C1orf116: variants seen among roughly 807,000 people sequenced by gnomAD.
C1orf116 encodes the protein chromosome 1 open reading frame 116.
In C1orf116, 12 loss-of-function variants were observed where a neutral mutation model predicts 14.1. The ratio of observed to expected loss-of-function variants is 0.85; its 90% CI spans 0.54 to 1.38. The LOEUF is 1.38. Among genes scored for constraint, C1orf116 ranks in the 40% most tolerant of loss-of-function variants. C1orf116 has a pLI of 0.00. For missense variants in C1orf116, 797 were observed against 747.0 expected (o/e 1.07, Z -0.78); for synonymous variants, 296 against 299.0 (o/e 0.99, Z 0.10).
chr1:207,022,162 G>A lies in C1orf116; in HGVS notation c.1602C>T (p.Gly534=). 3.1e-6 allele frequency: 5 copies of A among 1,613,586 alleles called. No individual in the cohort carries two copies. The highest frequency in any genetic ancestry group is 4.2e-6 in the Non-Finnish European group (5 of 1,179,548). Residue 534 remains glycine, a synonymous_variant, in exon 4 of 4, where the codon GGC becomes GGT. Coordinates refer to ENST00000359470, the MANE Select transcript of C1orf116 (RefSeq NM_023938.6). ...GGATACCTGCAAAATCTTTCCCCGTGCCCAGGGAGGCCGGGCGGGGCCGAG... is the reference window on the plus strand; with the variant it reads ...GGATACCTGCAAAATCTTTCCCCGTACCCAGGGAGGCCGGGCGGGGCCGAG... ...RNSRPRPASL[G]TGKDFAGIQV...
chr1:207,024,587 G>A (rs1032848235), intron 3 of C1orf116, among the ~76,000 whole-genome samples: 12 of 152,126 alleles, frequency 7.9e-5, no homozygotes, highest in Non-Finnish European at 1.0e-4. Context: ...TCCCTCCCCC[G>A]CCTCTGCGGT....
rs1447723187 is a variant in C1orf116 at position 207,018,532 on chromosome 1, C to G, written c.*3426G>C. The G allele has an allele frequency of 3.9e-5, 6 of 152,224 alleles. No homozygotes were observed. Among genetic ancestry groups the G allele is most frequent in the African/African-American group, 1.4e-4 (6 of 41,452 alleles). The allele number at this position is 152,224 out of a possible 1,614,324, so 9.4% of individuals were successfully genotyped here. On this transcript the variant is annotated 3_prime_UTR_variant, in exon 4 of 4. Coordinates refer to ENST00000359470, the MANE Select transcript of C1orf116 (RefSeq NM_023938.6). The stretch of plus-strand genomic sequence containing the variant: ...AATAAGACCCAGAAGGTAGTATTAT[C>G]ATTTATTGAGTAGCTACACTGTGGC...
At chr1:207,032,492 ACCTCC>A in intron 1 of C1orf116, 82 bp downstream of exon 1, 1 of 893,512 alleles carries the variant, frequency 1.1e-6, no homozygotes, top group Non-Finnish European at 1.3e-6. Flanking sequence ...ATAGAGGGAC[ACCTCC>A]CCTCCCCTGT....
Position 207,027,530 on chromosome 1 carries a change from G to GT in C1orf116, c.68dup (p.Asp23GlufsTer14), listed in dbSNP as rs201900436. 12,008 of 1,613,912 alleles carry GT rather than the reference G, an allele frequency of 7.4e-3. 65 individuals carry two copies. The highest frequency in any genetic ancestry group is 9.0e-3 in the Non-Finnish European group (10,661 of 1,180,042). On this transcript the variant is annotated frameshift_variant, in exon 2 of 4. Transcript: ENST00000359470. LOFTEE classifies it high-confidence loss of function. ...GGGTGGAGGTGCTGCTCATCATGCT[G>GT]TCACAGCTGCCGACACGGGTCACGG...
rs543800717 is a variant in C1orf116 at position 207,018,761 on chromosome 1, C to G, written c.*3197G>C. On this transcript the variant is annotated 3_prime_UTR_variant, in exon 4 of 4. Coordinates refer to ENST00000359470, the MANE Select transcript of C1orf116 (RefSeq NM_023938.6). ...ATCATCACTCTCCTGGGGAAAAGAG[C>G]CTAGATGTGTTCTATCTGCATTCCT... 2 of 152,140 alleles carry G rather than the reference C, an allele frequency of 1.3e-5. No homozygotes were observed. The highest frequency in any genetic ancestry group is 2.9e-5 in the Non-Finnish European group (2 of 68,050). The allele number at this position is 152,140 out of a possible 1,614,324, so 9.4% of individuals were successfully genotyped here.
Position 207,024,959 on chromosome 1 carries a change from T to A in C1orf116, c.211A>T (p.Thr71Ser). 1.2e-6 allele frequency: 2 copies of A among 1,613,980 alleles called. No homozygotes were observed. Among genetic ancestry groups the A allele is most frequent in the African/African-American group, 2.7e-5 (2 of 74,938 alleles). The stretch of plus-strand genomic sequence containing the variant: ...GTTGTGGCTGGCTCAGACTCGTCAG[T>A]GGACAGTCCGCTGTCAGCCTCCGTG... Reference protein sequence around the residue: ...LDTEADSGLSTDESEPATTPR... With the variant: ...LDTEADSGLSSDESEPATTPR... The change falls in exon 3 of 4, where the codon ACT (threonine) becomes TCT (serine). Residue 71 changes from threonine (T) to serine (S), a missense_variant. Physicochemically the swap from Thr to Ser is moderately conservative, Grantham distance 58 (BLOSUM62 1). Coordinates refer to ENST00000359470, the MANE Select transcript of C1orf116 (RefSeq NM_023938.6).
chr1:207,024,596 G>A (rs1682013296), intron 3 of C1orf116, among the ~76,000 whole-genome samples: 1 of 152,222 alleles, frequency 6.6e-6, no homozygotes, highest in African/African-American at 2.4e-5. Context: ...CGCCTCTGCG[G>A]TCATATCTCT....
chr1:207,027,572 C>G lies in C1orf116; in HGVS notation c.27G>C (p.Ala9=). The G allele has an allele frequency of 1.9e-6, 3 of 1,613,342 alleles. No individual in the cohort carries two copies. The African/African-American group carries it at 4.0e-5, about 21-fold the overall frequency. MPERELWP[A]GTGSEPVTRV... is the part of the protein sequence containing the mutation. ...GGGTCACGGGTTCTGAGCCAGTCCC[C>G]GCTGGCCACAGCTCCCTCTCGGGCA... The change falls in exon 2 of 4, where the codon GCG becomes GCC. Residue 9 remains alanine (A), a synonymous_variant. Coordinates refer to ENST00000359470, the MANE Select transcript of C1orf116 (RefSeq NM_023938.6).
intron 2 of C1orf116, among the ~76,000 whole-genome samples, chr1:207,026,140 T>C (rs1051987933): frequency 6.6e-6 from 1 of 152,202 alleles, no homozygotes; most frequent in African/African-American, 2.4e-5. Flanking sequence ...CCCACTCAGA[T>C]GGCCAGGAAA....
intron 1 of C1orf116, among the ~76,000 whole-genome samples, chr1:207,030,548 T>C (rs765449213): frequency 2.6e-5 from 4 of 152,218 alleles, no homozygotes; most frequent in Non-Finnish European, 4.4e-5. Context: ...AGGGATTACA[T>C]AATCCCTGCA....
intron 2 of C1orf116, among the ~76,000 whole-genome samples, 193 bp downstream of exon 2, chr1:207,027,301 C>G (rs928094177): frequency 6.6e-6 from 1 of 152,182 alleles, no homozygotes; most frequent in Non-Finnish European, 1.5e-5. Context: ...TCTCTAAGGT[C>G]GTCCCATCCT....
chr1:207,031,570 A>C (rs1479431908), intron 1 of C1orf116, among the ~76,000 whole-genome samples: 4 of 152,198 alleles, frequency 2.6e-5, no homozygotes, highest in African/African-American at 9.6e-5. Context: ...GCAGGAGGAA[A>C]AGAGTCAAAG....
In C1orf116 at chr1:207,019,633, T is replaced by C. The variant is rs1245388270; in HGVS notation, c.*2325A>G. 6.6e-6 allele frequency: 1 copy of C among 152,204 alleles called. No homozygotes were observed. Among genetic ancestry groups the C allele is most frequent in the Non-Finnish European group, 1.5e-5 (1 of 68,044 alleles). 9.4% of individuals were successfully genotyped at this position (152,204 alleles called of 1,614,324 possible). A position where few individuals can be genotyped will look rare whatever the true frequency, so the allele number is the denominator to read the frequency against. On this transcript the variant is annotated 3_prime_UTR_variant, in exon 4 of 4. Coordinates refer to ENST00000359470, the MANE Select transcript of C1orf116 (RefSeq NM_023938.6). ...CTCTTCAAAATGGGAATGACCAAGT[T>C]TGGATTTATTATTCTATTCTTGAAT... is the stretch of plus-strand genomic sequence containing the variant.
At chr1:207,024,206 C>G (rs566178975) in intron 3 of C1orf116, among the ~76,000 whole-genome samples, 1 of 152,230 alleles carries the variant, frequency 6.6e-6, no homozygotes, top group Non-Finnish European at 1.5e-5. Flanking sequence ...GAAAGCCCTA[C>G]GTCCCCATTT....
Position 207,022,540 on chromosome 1 carries a change from C to G in C1orf116, c.1224G>C (p.Lys408Asn). 6.2e-7 allele frequency: 1 copy of G among 1,614,138 alleles called. No individual in the cohort carries two copies. Among genetic ancestry groups the G allele is most frequent in the Non-Finnish European group, 8.5e-7 (1 of 1,179,986 alleles). ...QASAAIPAAG[K>N]ALAQAPAPAP... ...CTGGAGCCGGAGCTTGAGCCAGAGCCTTCCCAGCAGCAGGAATAGCTGCTG... is the reference window on the plus strand; with the variant it reads ...CTGGAGCCGGAGCTTGAGCCAGAGCGTTCCCAGCAGCAGGAATAGCTGCTG... Residue 408 changes from lysine to asparagine, a missense_variant, in exon 4 of 4, where the codon AAG (lysine) becomes AAC (asparagine). Transcript: ENST00000359470.
At position 207,021,856 on chromosome 1, in the gene C1orf116, C is replaced by T; in HGVS notation, c.*102G>A. 1 of 1,172,434 alleles carries T rather than the reference C, an allele frequency of 8.5e-7. No individual in the cohort carries two copies. Among genetic ancestry groups the T allele is most frequent in the East Asian group, 2.4e-5 (1 of 41,144 alleles). The allele number at this position is 1,172,434 out of a possible 1,614,324, so 72.6% of individuals were successfully genotyped here. Reference sequence around the variant, plus strand: ...ATGCTTGGACTCAAATCTCTCCCTCCCATTCATCTTGAGCCCTGAGTTGCG... The same window carrying T: ...ATGCTTGGACTCAAATCTCTCCCTCTCATTCATCTTGAGCCCTGAGTTGCG... On this transcript the variant is annotated 3_prime_UTR_variant, in exon 4 of 4. Coordinates refer to ENST00000359470, the MANE Select transcript of C1orf116 (RefSeq NM_023938.6).
rs1432854288 is a variant in C1orf116, at chr1:207,019,885, C to G, written c.*2073G>C. 1 of 152,128 alleles carries G rather than the reference C, an allele frequency of 6.6e-6. No homozygotes were observed. The highest frequency in any genetic ancestry group is 2.4e-5 in the African/African-American group (1 of 41,412). 9.4% of individuals were successfully genotyped at this position (152,128 alleles called of 1,614,324 possible). A position where few individuals can be genotyped will look rare whatever the true frequency, so the allele number is the denominator to read the frequency against. On this transcript the variant is annotated 3_prime_UTR_variant, in exon 4 of 4. Transcript: ENST00000359470. ...ATGTGGGAATATAATAGGCTGTACT[C>G]CTGATGACCTTGACCATCCTAATCA...
rs1402718622 is a variant in C1orf116, at chr1:207,027,201, A to G, written c.105+293T>C. On this transcript the variant is annotated intron_variant, in intron 2 of 3. Coordinates refer to ENST00000359470, the MANE Select transcript of C1orf116 (RefSeq NM_023938.6). ...AAGAATCTATGTTCTGGTTTCCACC[A>G]TGACCTCAGATTACAGGCCTACTCT... is the stretch of plus-strand genomic sequence containing the variant. 3.3e-5 allele frequency among the ~76,000 whole-genome samples: 5 copies of G among 152,212 alleles called. No homozygotes were observed. The East Asian group carries it at 9.6e-4, about 29-fold the overall frequency.
At position 207,027,680 on chromosome 1, in the gene C1orf116, C is replaced by T; in HGVS notation, c.-81-1G>A. 1 of 1,565,522 alleles carries T rather than the reference C, an allele frequency of 6.4e-7. No individual in the cohort carries two copies. Among genetic ancestry groups the T allele is most frequent in the South Asian group, 1.1e-5 (1 of 87,802 alleles). ...AAGTGAACAATGTCCCAAGCCGGGC[C>T]TGAAAAGAGAAGAATCAAAGCCACA... On this transcript the variant is annotated splice_acceptor_variant, in intron 1 of 3. Transcript: ENST00000359470. LOFTEE classifies it low-confidence loss of function (5UTR_SPLICE).
Sources: gnomAD v4.1 joint callset for allele counts (sites outside exome capture counted in the v4.1 genomes callset) on GRCh38, gnomAD v4.1.1 for gene constraint, MANE v1.5 for transcripts, NCBI Gene and HGNC (gene_info 2026-07-23, HGNC 2026-07-21) for gene names.